Variants in TICRR observed in about 807,000 individuals in gnomAD.
The protein encoded by TICRR is treslin.
A neutral mutation model predicts 178.1 loss-of-function variants in TICRR; 132 were observed. The ratio of observed to expected loss-of-function variants is 0.74; its 90% CI spans 0.64 to 0.86. TICRR has a LOEUF of 0.86. Ranked by LOEUF, TICRR falls within the 40% of genes least tolerant of loss-of-function variation. The pLI, the probability that TICRR is intolerant of heterozygous loss-of-function variation, is 0.00. For synonymous variants in TICRR, 991 were observed against 900.7 expected (o/e 1.10, Z -1.79); for missense variants, 2,587 against 2,334.3 (o/e 1.11, Z -2.23).
In TICRR at chr15:89,619,699, A is replaced by AT. The variant is rs1963392750; in HGVS notation, c.3020-5dup. 1 of 1,601,854 alleles carries AT rather than the reference A, an allele frequency of 6.2e-7. No individual in the cohort carries two copies. The highest frequency in any genetic ancestry group is 1.3e-5 in the African/African-American group (1 of 74,438). On this transcript the variant is annotated splice_polypyrimidine_tract_variant and intron_variant, in intron 17 of 21. Transcript: ENST00000268138. ...TCTTTGGTTACTTACTGTGGTTCTG[A>AT]TTTTACAGAAATAAGTCTGAGACGA... is the stretch of plus-strand genomic sequence containing the variant.
chr15:89,577,580 A>G (rs1962646004), intron 1 of TICRR, among the ~76,000 whole-genome samples: 1 of 132,846 alleles, frequency 7.5e-6, no homozygotes, highest in African/African-American at 2.7e-5. Context: ...TTGTATACAG[A>G]GTGGTAGTGA....
At chr15:89,621,283 A>C (rs1443363849) in intron 18 of TICRR, 110 bp from the exon 19 acceptor site, 2 of 1,131,040 alleles carry the variant, frequency 1.8e-6, no homozygotes, top group Admixed American at 2.5e-5. Context: ...GGCCTCCCAA[A>C]GTGCTGGGAT....
intron 4 of TICRR, among the ~76,000 whole-genome samples, chr15:89,586,241 A>G (rs1209672460): frequency 1.3e-5 from 2 of 152,194 alleles, no homozygotes; most frequent in Admixed American, 1.3e-4. Context: ...CATTGTTACT[A>G]CTAGCATTGC....
At position 89,592,043 on chromosome 15, in the gene TICRR, A is replaced by G. The variant is rs753939344; in HGVS notation, c.1412-4A>G. On this transcript the variant is annotated splice_polypyrimidine_tract_variant and splice_region_variant and intron_variant, in intron 4 of 21. Transcript: ENST00000268138. ...CTCCTGCCGCTGCTCCTTTGCTCCA[A>G]TAGCTTCTCCTGTTCCAGAGTGGGC... is the stretch of plus-strand genomic sequence containing the variant. The G allele has an allele frequency of 7.7e-5, 123 of 1,602,442 alleles. No homozygotes were observed. The highest frequency in any genetic ancestry group is 9.7e-5 in the Non-Finnish European group (114 of 1,171,512).
In TICRR at chr15:89,623,646, ATC is replaced by A. The variant is rs1377092392; in HGVS notation, c.3340_3341del (p.Leu1114GlufsTer4). On this transcript the variant is annotated frameshift_variant, in exon 20 of 22. Transcript: ENST00000268138. LOFTEE classifies it high-confidence loss of function. Reference protein sequence around the residue: ...YQTPKKSHQKSLSFSKTTPRR... With the variant: ...YQTPKKSHQKXLSFSKTTPRR... Reference sequence around the variant, plus strand: ...AGACTCCCAAGAAGAGTCACCAGAAATCTCTGAGCTTTTCTAAAACTACACCA... The same window carrying A: ...AGACTCCCAAGAAGAGTCACCAGAAATCTGAGCTTTTCTAAAACTACACCA... 6.2e-7 allele frequency: 1 copy of A among 1,608,124 alleles called. No homozygotes were observed. Among genetic ancestry groups the A allele is most frequent in the Non-Finnish European group, 8.5e-7 (1 of 1,178,004 alleles).
intron 6 of TICRR, 110 bp from the exon 7 acceptor site, chr15:89,595,283 G>T (rs1962978177): frequency 1.3e-6 from 1 of 750,960 alleles, no homozygotes; most frequent in South Asian, 1.8e-5. Flanking sequence ...CATTCTGGAG[G>T]GATATGCTTC....
intron 17 of TICRR, among the ~76,000 whole-genome samples, chr15:89,618,821 T>C (rs1426873519): frequency 6.6e-6 from 1 of 152,210 alleles, no homozygotes; most frequent in Admixed American, 6.5e-5. Flanking sequence ...CAGCTGGTCA[T>C]GTTGGCATAC....
rs1480110307 is a variant in TICRR at position 89,618,451 on chromosome 15, CTG to C, written c.3019+245_3019+246del. ...TATGAAATTCAGGATGAGGGCTAAA[CTG>C]TGTTATACAAAGTGCTATGACTTAT... On this transcript the variant is annotated intron_variant, in intron 17 of 21. Coordinates refer to ENST00000268138, the MANE Select transcript of TICRR (RefSeq NM_152259.4). Among the ~76,000 whole-genome samples the C allele has an allele frequency of 2.6e-5, 4 of 152,178 alleles. No homozygotes were observed. The East Asian group carries it at 5.8e-4, about 22-fold the overall frequency.
chr15:89,613,448 T>G (rs1963283983), intron 15 of TICRR, among the ~76,000 whole-genome samples: 1 of 152,190 alleles, frequency 6.6e-6, no homozygotes, highest in Non-Finnish European at 1.5e-5. Flanking sequence ...AGATGTGTAG[T>G]GTCTTTCATC....
At chr15:89,580,723 G>T (rs1165477376) in intron 1 of TICRR, among the ~76,000 whole-genome samples, 1 of 152,132 alleles carries the variant, frequency 6.6e-6, no homozygotes, top group Non-Finnish European at 1.5e-5. Flanking sequence ...CCGTCAGATG[G>T]TCATGATCCG....
intron 14 of TICRR, 64 bp downstream of exon 14, chr15:89,606,889 T>C: frequency 1.4e-6 from 2 of 1,428,072 alleles, no homozygotes; most frequent in Non-Finnish European, 2.0e-6. Context: ...TTATTGTATG[T>C]ATTTAAGCAG....
chr15:89,607,455 C>T (rs960761999), intron 14 of TICRR, among the ~76,000 whole-genome samples: 5 of 151,892 alleles, frequency 3.3e-5, no homozygotes, highest in Admixed American at 1.3e-4. Context: ...TAGTGATGGG[C>T]GTATGTTTAA....
At chr15:89,626,879 C>G in intron 21 of TICRR, 77 bp from the exon 22 acceptor site, 1 of 1,516,902 alleles carries the variant, frequency 6.6e-7, no homozygotes, top group Non-Finnish European at 9.0e-7. Context: ...GTGTGTAACC[C>G]TCTGCAATTT....
intron 19 of TICRR, among the ~76,000 whole-genome samples, chr15:89,622,598 T>C (rs1003729853): frequency 6.6e-6 from 1 of 151,520 alleles, no homozygotes. Context: ...CATAGAGCTC[T>C]GGAGAAGGGT....
Position 89,624,931 on chromosome 15 carries a change from G to A in TICRR, c.4621G>A (p.Asp1541Asn), listed in dbSNP as rs779649454. 1 of 1,614,074 alleles carries A rather than the reference G, an allele frequency of 6.2e-7. No individual in the cohort carries two copies. The highest frequency in any genetic ancestry group is 1.1e-5 in the South Asian group (1 of 91,076). The stretch of plus-strand genomic sequence containing the variant: ...ACAGTGCCAGGCTTCGGCACAACTA[G>A]ACAACCTGCCAGCATCAGCTTGGCA... Reference protein sequence around the residue: ...GRQCQASAQLDNLPASAWHST... With the variant: ...GRQCQASAQLNNLPASAWHST... Residue 1541 changes from aspartate to asparagine, a missense_variant, in exon 20 of 22, where the codon GAC (aspartate) becomes AAC (asparagine). Coordinates refer to ENST00000268138, the MANE Select transcript of TICRR (RefSeq NM_152259.4).
intron 6 of TICRR, among the ~76,000 whole-genome samples, chr15:89,595,097 G>A (rs868376070): frequency 2.0e-5 from 3 of 152,104 alleles, no homozygotes; most frequent in African/African-American, 4.8e-5. Context: ...TGGCCATTGG[G>A]TAACACCAAA....
chr15:89,626,869 G>A, intron 21 of TICRR, 87 bp from the exon 22 acceptor site: 1 of 1,425,508 alleles, frequency 7.0e-7, no homozygotes, highest in South Asian at 1.3e-5. Context: ...GTCTGTTTTT[G>A]TGTGTAACCC....
intron 7 of TICRR, among the ~76,000 whole-genome samples, chr15:89,595,954 T>C (rs1204382282): frequency 6.6e-6 from 1 of 152,066 alleles, no homozygotes; most frequent in Non-Finnish European, 1.5e-5. Flanking sequence ...GTGAGAGCCA[T>C]AGATGATAAT....
chr15:89,593,337 T>A (rs1016670511), intron 5 of TICRR, among the ~76,000 whole-genome samples: 2 of 152,182 alleles, frequency 1.3e-5, no homozygotes, highest in African/African-American at 2.4e-5. Context: ...GCCCATGTTA[T>A]TTTTTAAAAT....
Sources: allele counts gnomAD v4.1 joint callset (sites outside exome capture counted in the v4.1 genomes callset), GRCh38; gene constraint gnomAD v4.1.1; transcripts MANE v1.5; gene names NCBI Gene and HGNC (gene_info 2026-07-23, HGNC 2026-07-21).